Variants in HACD2 observed in about 807,000 individuals in gnomAD.
HACD2 encodes the protein 3-hydroxyacyl-CoA dehydratase 2.
Under a neutral mutation model 31.0 loss-of-function variants are expected in HACD2, and 15 were observed. The observed-to-expected ratio is 0.48, with a 90% confidence interval of 0.32 to 0.75. HACD2 has a LOEUF of 0.75. Ranked by LOEUF, HACD2 falls within the 30% of genes least tolerant of loss-of-function variation. The probability of loss-of-function intolerance (pLI) is 0.03; values close to 1 mark genes in which losing one functional copy is unlikely to be tolerated. For synonymous variants in HACD2, 115 were observed against 122.2 expected, an observed-to-expected ratio of 0.94 and a Z score of 0.39; for missense variants, 283 against 313.0, an observed-to-expected ratio of 0.90 and a Z score of 0.72.
intron 3 of HACD2, among the ~76,000 whole-genome samples, chr3:123,552,082 G>A (rs2056625856): frequency 1.3e-5 from 2 of 152,250 alleles, no homozygotes; most frequent in African/African-American, 4.8e-5. Context: ...TGGAAAAATG[G>A]CATGGAAGAG....
rs2055765594 is a variant in HACD2 at position 123,491,796 on chromosome 3, A to G, written c.*3092T>C. 1 of 152,668 alleles carries G rather than the reference A, an allele frequency of 6.6e-6. No homozygotes were observed. The highest frequency in any genetic ancestry group is 2.4e-5 in the African/African-American group (1 of 41,458). 9.5% of individuals were successfully genotyped at this position (152,668 alleles called of 1,614,324 possible). A position where few individuals can be genotyped will look rare whatever the true frequency, so the allele number is the denominator to read the frequency against. ...TTTTGGTTTTCACAACATAGAAAAA[A>G]TACAAAAATGACTATATATACGGTT... is the stretch of plus-strand genomic sequence containing the variant. On this transcript the variant is annotated 3_prime_UTR_variant, in exon 7 of 7. Coordinates refer to ENST00000383657, the MANE Select transcript of HACD2 (RefSeq NM_198402.5).
chr3:123,502,369 A>G (rs2055912925), intron 5 of HACD2, among the ~76,000 whole-genome samples, 191 bp downstream of exon 5: 1 of 152,164 alleles, frequency 6.6e-6, no homozygotes, highest in African/African-American at 2.4e-5. Flanking sequence ...AAATATAAAA[A>G]CCTTAAAACA....
chr3:123,578,954 T>C (rs2056936159), intron 2 of HACD2, among the ~76,000 whole-genome samples: 1 of 152,230 alleles, frequency 6.6e-6, no homozygotes, highest in Non-Finnish European at 1.5e-5. Context: ...TTAGCAAGCC[T>C]GCTCTATCGC....
At chr3:123,502,412 CCTATT>C (rs2055913728) in intron 5 of HACD2, 143 bp downstream of exon 5, 2 of 708,406 alleles carry the variant, frequency 2.8e-6, no homozygotes. Context: ...AGTACAGACT[CCTATT>C]CTGATGAAAT....
Position 123,528,472 on chromosome 3 carries a change from T to C in HACD2, c.295A>G (p.Ile99Val). 6.2e-7 allele frequency: 1 copy of C among 1,602,088 alleles called. No homozygotes were observed. Among genetic ancestry groups the C allele is most frequent in the South Asian group, 1.1e-5 (1 of 90,846 alleles). ...LLEILHCAIG[I>V]VPSSVVLTSF... ...GTCAGGACAACAGAAGATGGAACAA[T>C]TCCTGAAAGAAATTTTGGGATGGAT... Residue 99 changes from isoleucine (I) to valine (V), a missense_variant and splice_region_variant, in exon 4 of 7, where the codon ATT (isoleucine) becomes GTT (valine). Ile to Val is a conservative substitution (Grantham distance 29, BLOSUM62 3). Around this residue, in one of 3 missense-constraint regions of HACD2, gnomAD observed 158 missense variants for 148.3 expected, o/e 1.07. Coordinates refer to ENST00000383657, the MANE Select transcript of HACD2 (RefSeq NM_198402.5).
chr3:123,502,712 A>G lies in HACD2; in HGVS notation c.382-31T>C, dbSNP rs200781406. 148 of 1,570,668 alleles carry G rather than the reference A, an allele frequency of 9.4e-5. 1 individual carries two copies. Among genetic ancestry groups the G allele is most frequent in the Non-Finnish European group, 3.0e-5 (35 of 1,157,122 alleles). ...GGAAGAGGAAAACAAAAGAAAAAAA[A>G]CACACAGACAACGTTAATGAAGACA... On this transcript the variant is annotated intron_variant, in intron 4 of 6. Coordinates refer to ENST00000383657, the MANE Select transcript of HACD2 (RefSeq NM_198402.5).
In HACD2 at chr3:123,584,905, G is replaced by A. The variant is rs1468545825; in HGVS notation, c.123C>T (p.Tyr41=). ...KKGPGPLATA[Y]LVIYNVVMTA... is the part of the protein sequence containing the mutation. ...TCATCACCACATTGTAGATGACCAG[G>A]TACGCCGTGGCCAGGGGCCCCGGGC... Residue 41 remains tyrosine (Y), a synonymous_variant, in exon 1 of 7, where the codon TAC becomes TAT. Transcript: ENST00000383657. The A allele has an allele frequency of 2.0e-6, 3 of 1,526,318 alleles. No individual in the cohort carries two copies. The highest frequency in any genetic ancestry group is 2.6e-6 in the Non-Finnish European group (3 of 1,136,768). The allele number at this position is 1,526,318 out of a possible 1,614,324, so 94.5% of individuals were successfully genotyped here.
chr3:123,521,635 G>C (rs1485877589), intron 4 of HACD2, among the ~76,000 whole-genome samples: 1 of 150,482 alleles, frequency 6.6e-6, no homozygotes, highest in Non-Finnish European at 1.5e-5. Context: ...AGCTTCCCAT[G>C]TCTAGGTGTT....
intron 6 of HACD2, among the ~76,000 whole-genome samples, chr3:123,496,828 TG>T (rs1454948867): frequency 2.0e-5 from 3 of 152,154 alleles, no homozygotes; most frequent in Non-Finnish European, 4.4e-5. Context: ...AACCCCATAG[TG>T]GGTGGCTGCA....
intron 3 of HACD2, among the ~76,000 whole-genome samples, chr3:123,551,311 T>C (rs28465029): frequency 0.034 from 5,208 of 152,150 alleles, 90 homozygotes; most frequent in Middle Eastern, 0.088. Context: ...TGCCACCCAG[T>C]AGAAACTCGA....
intron 3 of HACD2, among the ~76,000 whole-genome samples, chr3:123,567,498 T>C (rs2056804284): frequency 6.6e-6 from 1 of 152,184 alleles, no homozygotes; most frequent in Non-Finnish European, 1.5e-5. Context: ...TCTATTACCC[T>C]TACACTGAGA....
chr3:123,513,785 TGGAC>T (rs2056097376), intron 4 of HACD2, among the ~76,000 whole-genome samples: 1 of 152,146 alleles, frequency 6.6e-6, no homozygotes, highest in African/African-American at 2.4e-5. Flanking sequence ...ATACATTGTT[TGGAC>T]GGTTCGTGGA....
At chr3:123,570,083 A>G (rs2056837883) in intron 2 of HACD2, among the ~76,000 whole-genome samples, 1 of 147,866 alleles carries the variant, frequency 6.8e-6, no homozygotes, top group African/African-American at 2.5e-5. Context: ...ACACACAGCA[A>G]TGAATGGCTA....
At chr3:123,507,752 A>G (rs1332275097) in intron 4 of HACD2, among the ~76,000 whole-genome samples, 2 of 152,214 alleles carry the variant, frequency 1.3e-5, no homozygotes, top group Non-Finnish European at 2.9e-5. Context: ...AAAAATTTAA[A>G]AAAGGGCATG....
chr3:123,502,538 C>A, intron 5 of HACD2, 22 bp downstream of exon 5: 1 of 1,607,868 alleles, frequency 6.2e-7, no homozygotes, highest in South Asian at 1.1e-5. Context: ...AAAAGTGAGC[C>A]TTTTGAAATG....
chr3:123,542,259 G>A (rs1306887229), intron 3 of HACD2, among the ~76,000 whole-genome samples: 1 of 150,488 alleles, frequency 6.6e-6, no homozygotes, highest in Admixed American at 6.6e-5. Flanking sequence ...ACACAAAAAT[G>A]GCCACAATTA....
At chr3:123,501,718 GT>G (rs1210448850) in intron 5 of HACD2, among the ~76,000 whole-genome samples, 1 of 152,170 alleles carries the variant, frequency 6.6e-6, no homozygotes, top group African/African-American at 2.4e-5. Context: ...GTCCAGGTTG[GT>G]TAGTAACTGC....
At chr3:123,584,176 T>C (rs1013574073) in intron 1 of HACD2, among the ~76,000 whole-genome samples, 1 of 152,154 alleles carries the variant, frequency 6.6e-6, no homozygotes, top group Non-Finnish European at 1.5e-5. Flanking sequence ...AGCTAGTTAG[T>C]GGCAGAGCTT....
rs1447103617 is a variant in HACD2, at chr3:123,492,099, C to T, written c.*2789G>A. 1 of 152,232 alleles carries T rather than the reference C, an allele frequency of 6.6e-6. No homozygotes were observed. Among genetic ancestry groups the T allele is most frequent in the African/African-American group, 2.4e-5 (1 of 41,460 alleles). The allele number at this position is 152,232 out of a possible 1,614,324, so 9.4% of individuals were successfully genotyped here. ...GGACAGTGCTTTATTCCATGACTAACTCTCCATGGTGCCTCTGGATAATGG... is the reference window on the plus strand; with the variant it reads ...GGACAGTGCTTTATTCCATGACTAATTCTCCATGGTGCCTCTGGATAATGG... On this transcript the variant is annotated 3_prime_UTR_variant, in exon 7 of 7. Coordinates refer to ENST00000383657, the MANE Select transcript of HACD2 (RefSeq NM_198402.5).
Sources: gnomAD v4.1 joint callset for allele counts (sites outside exome capture counted in the v4.1 genomes callset) on GRCh38, gnomAD v4.1.1 for gene constraint, gnomAD v4.1.1 regional missense constraint, MANE v1.5 for transcripts, NCBI Gene and HGNC (gene_info 2026-07-23, HGNC 2026-07-21) for gene names.